The following TNR variants were observed in gnomAD, a reference collection of about 807,000 sequenced individuals.
The protein encoded by TNR is tenascin-R.
A neutral mutation model predicts 150.4 loss-of-function variants in TNR; 45 were observed. That is an observed-to-expected ratio of 0.30 (90% CI 0.24 to 0.38). The LOEUF is 0.38. Ranked by LOEUF, TNR falls within the 10% of genes least tolerant of loss-of-function variation. TNR has a pLI of 1.00. For synonymous variants in TNR, 687 were observed against 678.4 expected (o/e 1.01, Z -0.20); for missense variants, 1,544 against 1,759.1 (o/e 0.88, Z 2.19).
At chr1:175,546,697 C>T (rs796838488) in intron 1 of TNR, among the ~76,000 whole-genome samples, 3 of 152,190 alleles carry the variant, frequency 2.0e-5, no homozygotes, top group Non-Finnish European at 4.4e-5. Flanking sequence ...GTTGTCAGAT[C>T]ACCCCATGTC....
At chr1:175,513,926 T>G (rs1659299617) in intron 2 of TNR, among the ~76,000 whole-genome samples, 1 of 152,200 alleles carries the variant, frequency 6.6e-6, no homozygotes, top group African/African-American at 2.4e-5. Context: ...TATCTGCATT[T>G]CTAAAAAGCT....
intron 2 of TNR, among the ~76,000 whole-genome samples, chr1:175,469,215 C>T (rs563757685): frequency 1.3e-5 from 2 of 152,158 alleles, no homozygotes; most frequent in East Asian, 3.9e-4. Context: ...AGAGATGCAC[C>T]TTGTTCTCTG....
intron 2 of TNR, among the ~76,000 whole-genome samples, chr1:175,434,923 C>T (rs1655429112): frequency 6.6e-6 from 1 of 152,220 alleles, no homozygotes; most frequent in Admixed American, 6.5e-5. Flanking sequence ...CCATGATCCT[C>T]ACCAGGCTAG....
rs202121347 is a variant in TNR at position 175,379,713 on chromosome 1, C to G, written c.1802G>C (p.Arg601Pro). The G allele has an allele frequency of 1.0e-4, 165 of 1,614,036 alleles. No individual in the cohort carries two copies. Among genetic ancestry groups the G allele is most frequent in the Non-Finnish European group, 1.7e-6 (2 of 1,180,022 alleles). Residue 601 changes from arginine to proline, a missense_variant, in exon 9 of 23, where the codon CGA becomes CCA. By Grantham distance (103) the Arg-to-Pro change is moderately radical. This residue lies in a region of TNR where 1,254 missense variants were observed against 1,329.4 expected (regional missense o/e 0.94). Transcript: ENST00000367674. ...TTEIDAPKNL[R>P]VGSRTATSLD... ...GCTGGTTGCTGTGCGAGAACCAACT[C>G]GCAAGTTCTTGGGGGCATCGATCTC...
chr1:175,672,761 A>T (rs573702697), intron 1 of TNR, among the ~76,000 whole-genome samples: 9 of 152,322 alleles, frequency 5.9e-5, no homozygotes, highest in African/African-American at 2.2e-4. Flanking sequence ...AGGAGGAAGC[A>T]GGTGCATCCT....
chr1:175,329,143 A>G (rs1443534075), intron 21 of TNR, among the ~76,000 whole-genome samples: 1 of 152,236 alleles, frequency 6.6e-6, no homozygotes, highest in African/African-American at 2.4e-5. Flanking sequence ...CAGATGCAGT[A>G]ACTGGAAGGA....
chr1:175,372,093 C>T lies in TNR; in HGVS notation c.1964-4796G>A, dbSNP rs114301710. The stretch of plus-strand genomic sequence containing the variant: ...GGTTGTTTAAAAGTGTGTGGCACCT[C>T]CCCCCAACCCTTGCTCCCTCTCTCA... On this transcript the variant is annotated intron_variant, in intron 9 of 22. Transcript: ENST00000367674. 1.6e-3 allele frequency among the ~76,000 whole-genome samples: 250 copies of T among 152,180 alleles called. 3 individuals are homozygous for T. The highest frequency in any genetic ancestry group is 5.8e-3 in the African/African-American group (241 of 41,504).
chr1:175,376,185 G>A, intron 9 of TNR, among the ~76,000 whole-genome samples: 1 of 152,108 alleles, frequency 6.6e-6, no homozygotes, highest in Admixed American at 6.5e-5. Flanking sequence ...GCTGTGAGAG[G>A]CAAGGTTCTA....
chr1:175,320,206 G>A lies in TNR; in HGVS notation c.*3151C>T, dbSNP rs1265628991. On this transcript the variant is annotated 3_prime_UTR_variant, in exon 23 of 23. Coordinates refer to ENST00000367674, the MANE Select transcript of TNR (RefSeq NM_003285.3). ...GGGTGCTTTGAGAGTATTGCTTACT[G>A]GATCTACCTTTGGGAAATGCAGTTG... The A allele has an allele frequency of 6.6e-6, 1 of 152,266 alleles. No individual in the cohort carries two copies. Among genetic ancestry groups the A allele is most frequent in the African/African-American group, 2.4e-5 (1 of 41,430 alleles). The allele number at this position is 152,266 out of a possible 1,614,324, so 9.4% of individuals were successfully genotyped here. A position where few individuals can be genotyped will look rare whatever the true frequency, so the allele number is the denominator to read the frequency against.
chr1:175,367,444 A>C, intron 9 of TNR, 147 bp from the exon 10 acceptor site: 1 of 728,122 alleles, frequency 1.4e-6, no homozygotes, highest in Admixed American at 2.5e-5. Context: ...CTATTAAGAA[A>C]TCCCAATTTC....
intron 8 of TNR, among the ~76,000 whole-genome samples, chr1:175,381,475 C>A (rs148001975): frequency 6.6e-6 from 1 of 152,268 alleles, no homozygotes; most frequent in East Asian, 1.9e-4. Flanking sequence ...GGACCAGATA[C>A]CTCCAATGTC....
intron 1 of TNR, among the ~76,000 whole-genome samples, chr1:175,731,217 A>C (rs1250476313): frequency 6.6e-6 from 1 of 152,154 alleles, no homozygotes; most frequent in Non-Finnish European, 1.5e-5. Context: ...TCACCAGCCC[A>C]ATTACAGGAC....
intron 2 of TNR, among the ~76,000 whole-genome samples, chr1:175,509,751 T>C (rs961245198): frequency 6.6e-6 from 1 of 152,234 alleles, no homozygotes; most frequent in African/African-American, 2.4e-5. Flanking sequence ...ATCTAAACTC[T>C]TTCTAACCAA....
intron 1 of TNR, among the ~76,000 whole-genome samples, chr1:175,710,739 T>G (rs1239221735): frequency 6.6e-6 from 1 of 151,906 alleles, no homozygotes; most frequent in African/African-American, 2.4e-5. Flanking sequence ...GTCTCAGGAG[T>G]CTCACTCACT....
intron 1 of TNR, among the ~76,000 whole-genome samples, chr1:175,559,080 C>A (rs1403661178): frequency 6.6e-6 from 1 of 152,096 alleles, no homozygotes; most frequent in Non-Finnish European, 1.5e-5. Flanking sequence ...TAAAACCACT[C>A]TGAAAACTAA....
intron 1 of TNR, among the ~76,000 whole-genome samples, chr1:175,601,867 G>A (rs992537118): frequency 6.6e-6 from 1 of 152,108 alleles, no homozygotes; most frequent in African/African-American, 2.4e-5. Context: ...CATCTTGGGA[G>A]GAAGAATGAA....
rs148934644 is a variant in TNR at position 175,336,082 on chromosome 1, T to C, written c.3535-275A>G. ...GACACTAATTTGCACCCCTGCAATG[T>C]AGAAAGGACTCAGGATACATATCAA... On this transcript the variant is annotated intron_variant, in intron 19 of 22. Coordinates refer to ENST00000367674, the MANE Select transcript of TNR (RefSeq NM_003285.3). 4.4e-3 allele frequency among the ~76,000 whole-genome samples: 677 copies of C among 152,312 alleles called. 3 individuals carry two copies. Among genetic ancestry groups the C allele is most frequent in the Admixed American group, 9.9e-3 (151 of 15,302 alleles).
chr1:175,621,710 T>A (rs970958352), intron 1 of TNR, among the ~76,000 whole-genome samples: 10 of 152,228 alleles, frequency 6.6e-5, no homozygotes, highest in African/African-American at 1.2e-4. Context: ...CTTGGAACTT[T>A]CCTGCTCCTC....
intron 9 of TNR, among the ~76,000 whole-genome samples, chr1:175,372,977 ATTG>A (rs1652174210): frequency 6.6e-6 from 1 of 152,096 alleles, no homozygotes; most frequent in African/African-American, 2.4e-5. Context: ...TTATGTTATT[ATTG>A]TTAGTTTTCA....
Sources: allele counts gnomAD v4.1 joint callset (sites outside exome capture counted in the v4.1 genomes callset), GRCh38; gene constraint gnomAD v4.1.1; regional missense constraint gnomAD v4.1.1; transcripts MANE v1.5; gene names NCBI Gene and HGNC (gene_info 2026-07-23, HGNC 2026-07-21).